The following MSRA variants were observed in gnomAD, a reference collection of about 807,000 sequenced individuals.
MSRA encodes methionine sulfoxide reductase A.
MSRA carries 54 observed loss-of-function variants against 31.3 expected under a neutral mutation model. That is an observed-to-expected ratio of 1.73 (90% CI 1.39 to 2.17). The LOEUF (loss-of-function observed/expected upper bound fraction) is 2.17. Ranked by LOEUF, MSRA falls within the 30% of genes most tolerant of loss-of-function variation. The probability of loss-of-function intolerance (pLI) is 0.00; values close to 1 mark genes in which losing one functional copy is unlikely to be tolerated. For synonymous variants in MSRA, 169 were observed against 116.5 expected (o/e 1.45, Z -2.90); for missense variants, 507 against 300.9 (o/e 1.69, Z -5.07).
At chr8:10,294,977 G>A (rs910207055) in intron 3 of MSRA, among the ~76,000 whole-genome samples, 2 of 152,160 alleles carry the variant, frequency 1.3e-5, no homozygotes, top group Non-Finnish European at 2.9e-5. Context: ...CTGAAACTGG[G>A]AGGTTGCTGA....
intron 1 of MSRA, among the ~76,000 whole-genome samples, chr8:10,183,101 C>G (rs935386576): frequency 1.3e-5 from 2 of 152,192 alleles, no homozygotes; most frequent in Non-Finnish European, 2.9e-5. Flanking sequence ...TAGGAACCCT[C>G]ATGTTATAGC....
intron 3 of MSRA, among the ~76,000 whole-genome samples, chr8:10,282,084 T>C (rs771218544): frequency 3.1e-4 from 47 of 152,170 alleles, no homozygotes; most frequent in Non-Finnish European, 6.6e-4. Flanking sequence ...CAGAGATGCA[T>C]TGGGAGCTGA....
At chr8:10,147,691 C>T (rs1803267471) in intron 1 of MSRA, among the ~76,000 whole-genome samples, 1 of 152,118 alleles carries the variant, frequency 6.6e-6, no homozygotes, top group South Asian at 2.1e-4. Context: ...CATGGAAAGG[C>T]TGTAACGAGA....
intron 1 of MSRA, among the ~76,000 whole-genome samples, chr8:10,085,788 C>T (rs1362337676): frequency 6.6e-6 from 1 of 152,210 alleles, no homozygotes; most frequent in Admixed American, 6.5e-5. Flanking sequence ...GATCTGCTTT[C>T]TGTCTCCATA....
intron 1 of MSRA, among the ~76,000 whole-genome samples, chr8:10,101,338 G>A (rs1201090494): frequency 2.6e-5 from 4 of 152,036 alleles, no homozygotes; most frequent in Admixed American, 2.0e-4. Context: ...TATTATTTAT[G>A]TTTTACAAAA....
chr8:10,073,653 G>C (rs1192118720), intron 1 of MSRA, among the ~76,000 whole-genome samples: 1 of 151,834 alleles, frequency 6.6e-6, no homozygotes, highest in African/African-American at 2.4e-5. Context: ...CTAAGACCTA[G>C]AGCTTGAGCC....
intron 1 of MSRA, among the ~76,000 whole-genome samples, chr8:10,192,136 G>A (rs913962340): frequency 9.2e-5 from 14 of 152,204 alleles, no homozygotes; most frequent in Non-Finnish European, 1.9e-4. Context: ...GAACAAGAGA[G>A]CACCCAAGAT....
At chr8:10,216,810 C>T (rs1177630493) in intron 2 of MSRA, among the ~76,000 whole-genome samples, 1 of 152,206 alleles carries the variant, frequency 6.6e-6, no homozygotes, top group Non-Finnish European at 1.5e-5. Flanking sequence ...ACCTGTCAAT[C>T]AATACTTGAG....
chr8:10,154,515 C>A (rs1365472985), intron 1 of MSRA, among the ~76,000 whole-genome samples: 1 of 152,000 alleles, frequency 6.6e-6, no homozygotes, highest in Non-Finnish European at 1.5e-5. Flanking sequence ...GTAGCTGGTA[C>A]TACAGGCACC....
intron 4 of MSRA, among the ~76,000 whole-genome samples, chr8:10,311,526 G>T (rs1214136656): frequency 6.6e-6 from 1 of 152,126 alleles, no homozygotes; most frequent in Non-Finnish European, 1.5e-5. Flanking sequence ...GCCATAAAAG[G>T]CTCAGTATGT....
intron 1 of MSRA, among the ~76,000 whole-genome samples, chr8:10,200,454 G>T (rs1808395679): frequency 6.6e-6 from 1 of 152,300 alleles, no homozygotes; most frequent in Non-Finnish European, 1.5e-5. Context: ...ACCCACAGCA[G>T]CTGGGGACAT....
rs374677955 is a variant in MSRA at position 10,428,193 on chromosome 8, G to A, written c.589G>A (p.Glu197Lys). Reference sequence around the variant, plus strand: ...CGGCCCCATCACTACCGACATCCGGGAGGGACAGACTTTCTACTATGCGGA... The same window carrying A: ...CGGCCCCATCACTACCGACATCCGGAAGGGACAGACTTTCTACTATGCGGA... ...GFGPITTDIR[E>K]GQTFYYAEDY... Residue 197 changes from glutamate (E) to lysine (K), a missense_variant, in exon 6 of 6, where the codon GAG becomes AAG. Coordinates refer to ENST00000317173, the MANE Select transcript of MSRA (RefSeq NM_012331.5). 767 of 1,614,152 alleles carry A rather than the reference G, an allele frequency of 4.8e-4. 13 individuals are homozygous for A. In the South Asian group the frequency reaches 7.9e-3, roughly 17 times the overall value.
At chr8:10,126,935 G>A (rs1412860867) in intron 1 of MSRA, among the ~76,000 whole-genome samples, 1 of 152,232 alleles carries the variant, frequency 6.6e-6, no homozygotes, top group Non-Finnish European at 1.5e-5. Flanking sequence ...AGCTCAGGCA[G>A]TAGTGCTCGC....
intron 1 of MSRA, among the ~76,000 whole-genome samples, chr8:10,197,742 C>A (rs948871153): frequency 6.6e-6 from 1 of 152,178 alleles, no homozygotes; most frequent in Non-Finnish European, 1.5e-5. Context: ...GAAGCCCTCT[C>A]CAAGACAGGG....
At chr8:10,315,995 A>T (rs1035480482) in intron 4 of MSRA, among the ~76,000 whole-genome samples, 2 of 152,220 alleles carry the variant, frequency 1.3e-5, no homozygotes, top group Admixed American at 1.3e-4. Context: ...TATAGAAGTA[A>T]TGTGTACTCC....
intron 1 of MSRA, among the ~76,000 whole-genome samples, chr8:10,199,802 T>G (rs1211763956): frequency 6.6e-6 from 1 of 152,218 alleles, no homozygotes; most frequent in East Asian, 1.9e-4. Flanking sequence ...CTCTTAGGAT[T>G]TTTCTTAATA....
intron 3 of MSRA, among the ~76,000 whole-genome samples, chr8:10,253,990 C>T (rs747584419): frequency 3.9e-5 from 6 of 152,090 alleles, no homozygotes; most frequent in Non-Finnish European, 8.8e-5. Flanking sequence ...AGCGGAGCGG[C>T]TTGGGAAGAG....
chr8:10,213,288 A>C (rs1809676866), intron 2 of MSRA, among the ~76,000 whole-genome samples: 1 of 152,070 alleles, frequency 6.6e-6, no homozygotes, highest in Non-Finnish European at 1.5e-5. Flanking sequence ...ATAAGTGAGA[A>C]CATGTGATGT....
At chr8:10,316,116 G>A (rs987498300) in intron 4 of MSRA, among the ~76,000 whole-genome samples, 45 of 152,222 alleles carry the variant, frequency 3.0e-4, no homozygotes, top group African/African-American at 9.6e-4. Context: ...GATGCACTGC[G>A]TGAAAAAATG....
Sources: allele counts gnomAD v4.1 joint callset (sites outside exome capture counted in the v4.1 genomes callset), GRCh38; gene constraint gnomAD v4.1.1; transcripts MANE v1.5; gene names NCBI Gene and HGNC (gene_info 2026-07-23, HGNC 2026-07-21).